The following NDUFA13 variants were observed in gnomAD, a reference collection of about 807,000 sequenced individuals.
The protein encoded by NDUFA13 is NADH dehydrogenase [ubiquinone] 1 alpha subcomplex subunit 13.
NDUFA13 carries 16 observed loss-of-function variants against 17.0 expected under a neutral mutation model. The ratio of observed to expected loss-of-function variants is 0.94; its 90% CI spans 0.64 to 1.43. The LOEUF (loss-of-function observed/expected upper bound fraction) is 1.43. Among genes scored for constraint, NDUFA13 ranks in the 40% most tolerant of loss-of-function variants. NDUFA13 has a pLI of 0.00. For missense variants in NDUFA13, 228 were observed against 206.7 expected, an observed-to-expected ratio of 1.10 and a Z score of -0.63; for synonymous variants, 87 against 78.4, an observed-to-expected ratio of 1.11 and a Z score of -0.58.
At chr19:19,521,709 TCTC>T (rs2061078950) in intron 1 of NDUFA13, among the ~76,000 whole-genome samples, 1 of 137,278 alleles carries the variant, frequency 7.3e-6, no homozygotes, top group South Asian at 2.1e-4. Flanking sequence ...TTCACGCCAT[TCTC>T]CTGCCTCAGC....
In NDUFA13 at chr19:19,527,711, A is replaced by T; in HGVS notation, c.256A>T (p.Met86Leu). 1 of 1,552,196 alleles carries T rather than the reference A, an allele frequency of 6.4e-7. No homozygotes were observed. The highest frequency in any genetic ancestry group is 8.7e-7 in the Non-Finnish European group (1 of 1,147,204). The stretch of plus-strand genomic sequence containing the variant: ...GCCCCATCCCCACAGGACCTTGCAG[A>T]TGCTTCGGGAGAACCTGGAGGAGGA... The part of the protein sequence containing the change: ...QAETDRRTLQ[M>L]LRENLEEEAI... Residue 86 changes from methionine (M) to leucine (L), a missense_variant, in exon 4 of 5, where the codon ATG (methionine) becomes TTG (leucine). By Grantham distance (15) the Met-to-Leu change is conservative. Transcript: ENST00000507754.
intron 1 of NDUFA13, among the ~76,000 whole-genome samples, chr19:19,523,103 T>G (rs989751204): frequency 2.2e-4 from 34 of 152,250 alleles, no homozygotes; most frequent in African/African-American, 7.5e-4. Flanking sequence ...TTGGCTGTTC[T>G]GGTCCCTTGC....
Position 19,516,306 on chromosome 19 carries a change from G to A in NDUFA13, c.68G>A (p.Arg23Gln), listed in dbSNP as rs567960607. Reference sequence around the variant, plus strand: ...GGCTATGGGCCCATCGACTACAAACGGAACTTGCCGCGTCGAGGACTGTCG... The same window carrying A: ...GGCTATGGGCCCATCGACTACAAACAGAACTTGCCGCGTCGAGGACTGTCG... ...PGGYGPIDYK[R>Q]NLPRRGLSGY... The change falls in exon 1 of 5, where the codon CGG becomes CAG. Residue 23 changes from arginine (R) to glutamine (Q), a missense_variant. Coordinates refer to ENST00000507754, the MANE Select transcript of NDUFA13 (RefSeq NM_015965.7). 1.2e-6 allele frequency: 2 copies of A among 1,613,728 alleles called. No homozygotes were observed. Among genetic ancestry groups the A allele is most frequent in the East Asian group, 4.5e-5 (2 of 44,870 alleles).
At chr19:19,526,535 G>C in intron 2 of NDUFA13, 1 of 501,302 alleles carries the variant, frequency 2.0e-6, no homozygotes, top group Non-Finnish European at 3.7e-6. Flanking sequence ...CTGGGCAACA[G>C]AGGGAAACCC....
At chr19:19,527,960 T>A in intron 4 of NDUFA13, 47 bp from the exon 5 acceptor site, 3 of 1,603,024 alleles carry the variant, frequency 1.9e-6, no homozygotes, top group Non-Finnish European at 1.7e-6. Flanking sequence ...CCTAGCAGGC[T>A]GTATATGGGT....
rs566386690 is a variant in NDUFA13 at position 19,518,729 on chromosome 19, A to ATT, written c.94+2425_94+2426dup. ...CAGGTGGGCGCCACCATGCCCTGCG[A>ATT]TTTTTTTTTTTTTTTTTTTTTTTTT... On this transcript the variant is annotated intron_variant, in intron 1 of 4. Transcript: ENST00000507754. 3.8e-4 allele frequency among the ~76,000 whole-genome samples: 13 copies of ATT among 34,124 alleles called. 1 individual carries two copies. Among genetic ancestry groups the ATT allele is most frequent in the African/African-American group, 1.0e-3 (11 of 10,998 alleles). The allele number at this position is 34,124 out of a possible 152,430, so 22.4% of individuals were successfully genotyped here.
intron 1 of NDUFA13, among the ~76,000 whole-genome samples, chr19:19,524,396 A>G (rs778697303): frequency 3.9e-5 from 6 of 152,230 alleles, no homozygotes; most frequent in Non-Finnish European, 8.8e-5. Context: ...TTTGGAATTT[A>G]TCTTACAGAT....
intron 1 of NDUFA13, among the ~76,000 whole-genome samples, chr19:19,517,980 A>G (rs1205441993): frequency 6.6e-6 from 1 of 152,048 alleles, no homozygotes; most frequent in East Asian, 1.9e-4. Flanking sequence ...TGGGGGCTCT[A>G]CAAAAACAGA....
chr19:19,519,255 T>G (rs2061065460), intron 1 of NDUFA13, among the ~76,000 whole-genome samples: 1 of 152,092 alleles, frequency 6.6e-6, no homozygotes, highest in South Asian at 2.1e-4. Flanking sequence ...GCACAAGGTC[T>G]GTTTCCAAAT....
intron 1 of NDUFA13, among the ~76,000 whole-genome samples, chr19:19,519,802 G>C (rs1218372137): frequency 1.5e-5 from 2 of 129,286 alleles, no homozygotes; most frequent in Non-Finnish European, 3.5e-5. Flanking sequence ...TGCCTCTCCT[G>C]AGCCATGGTC....
At chr19:19,519,705 G>A (rs979044583) in intron 1 of NDUFA13, among the ~76,000 whole-genome samples, 3 of 152,154 alleles carry the variant, frequency 2.0e-5, no homozygotes, top group South Asian at 4.1e-4. Context: ...GCCAGGATGT[G>A]CCAGGAGGAC....
intron 1 of NDUFA13, among the ~76,000 whole-genome samples, chr19:19,523,246 C>T (rs894450231): frequency 1.1e-4 from 16 of 152,182 alleles, no homozygotes; most frequent in African/African-American, 2.7e-4. Flanking sequence ...ATGCTAAGTG[C>T]TCCAATTCTT....
Position 19,528,123 on chromosome 19 carries a change from G to A in NDUFA13, c.432G>A (p.Thr144=), listed in dbSNP as rs2144648595. The change falls in exon 5 of 5, where the codon ACG becomes ACA. Residue 144 remains threonine (T), a synonymous_variant. Coordinates refer to ENST00000507754, the MANE Select transcript of NDUFA13 (RefSeq NM_015965.7). ...CCAGCCACGGCTTCATGTGGTACAC[G>A]TAGGCCCTGTGCCCTCCGGCCACCT... ...LHASHGFMWY[T] 3 of 1,611,500 alleles carry A rather than the reference G, an allele frequency of 1.9e-6. No individual in the cohort carries two copies. Among genetic ancestry groups the A allele is most frequent in the South Asian group, 1.1e-5 (1 of 90,968 alleles).
rs912044163 is a variant in NDUFA13, at chr19:19,526,358, G to A, written c.173+98G>A. 3.1e-5 allele frequency: 42 copies of A among 1,343,006 alleles called. No homozygotes were observed. The African/African-American group carries it at 4.2e-4, about 13-fold the overall frequency. The allele number at this position is 1,343,006 out of a possible 1,614,324, so 83.2% of individuals were successfully genotyped here. A position where few individuals can be genotyped will look rare whatever the true frequency, so the allele number is the denominator to read the frequency against. On this transcript the variant is annotated intron_variant, in intron 2 of 4. Transcript: ENST00000507754. ...TTGTCTGTGCTGGCGAGGGGTGAAC[G>A]GGCCCCTTGGACTTGGCTGTGCAAT...
intron 1 of NDUFA13, among the ~76,000 whole-genome samples, chr19:19,524,527 T>C (rs1236901781): frequency 2.0e-5 from 3 of 151,990 alleles, no homozygotes; most frequent in African/African-American, 4.8e-5. Flanking sequence ...CCGTGGAAAA[T>C]AATGAGATAT....
chr19:19,519,551 T>G (rs1208162390), intron 1 of NDUFA13, among the ~76,000 whole-genome samples: 1 of 152,152 alleles, frequency 6.6e-6, no homozygotes. Flanking sequence ...GTGCTCTTTG[T>G]TTATGGCCCT....
In NDUFA13 at chr19:19,528,028, A is replaced by G; in HGVS notation, c.337A>G (p.Thr113Ala). The G allele has an allele frequency of 6.2e-7, 1 of 1,612,648 alleles. No individual in the cohort carries two copies. Among genetic ancestry groups the G allele is most frequent in the Non-Finnish European group, 8.5e-7 (1 of 1,179,948 alleles). The change falls in exon 5 of 5, where the codon ACA (threonine) becomes GCA (alanine). Residue 113 changes from threonine to alanine, a missense_variant. Transcript: ENST00000507754. ...ACAGGTGGGGGAGTCTGTGTTCCAC[A>G]CAACCCGCTGGGTGCCCCCCTTGAT... ...DWKVGESVFH[T>A]TRWVPPLIGE...
chr19:19,527,162 G>GCCCCCCCCCCCCCCCCCCCC, intron 2 of NDUFA13, 119 bp from the exon 3 acceptor site: 1 of 837,446 alleles, frequency 1.2e-6, no homozygotes, highest in Non-Finnish European at 1.8e-6. Context: ...CCCCCTGCCT[G>GCCCCCCCCCCCCCCCCCCCC]CCTCCCCGCC....
At chr19:19,525,008 G>A (rs1272097519) in intron 1 of NDUFA13, among the ~76,000 whole-genome samples, 1 of 152,098 alleles carries the variant, frequency 6.6e-6, no homozygotes, top group Non-Finnish European at 1.5e-5. Context: ...CTGCACTCCA[G>A]CCTGGGTAGC....
Sources: allele counts gnomAD v4.1 joint callset (sites outside exome capture counted in the v4.1 genomes callset), GRCh38; gene constraint gnomAD v4.1.1; transcripts MANE v1.5; gene names NCBI Gene and HGNC (gene_info 2026-07-23, HGNC 2026-07-21).